Variants in USP13 observed in about 807,000 individuals in gnomAD.
The protein encoded by USP13 is ubiquitin specific peptidase 13.
USP13 carries 68 observed loss-of-function variants against 107.8 expected under a neutral mutation model. The observed-to-expected ratio is 0.63, with a 90% CI of 0.52 to 0.77. USP13 has a LOEUF of 0.77. Among genes scored for constraint, USP13 ranks in the 30% least tolerant of loss-of-function variants. The pLI is 0.00. For synonymous variants in USP13, 377 were observed against 389.5 expected (o/e 0.97, Z 0.38); for missense variants, 945 against 1,093.3 (o/e 0.86, Z 1.91).
At chr3:179,754,631 C>T in intron 14 of USP13, 101 bp from the exon 15 acceptor site, 1 of 1,371,016 alleles carries the variant, frequency 7.3e-7, no homozygotes, top group Non-Finnish European at 9.6e-7. Context: ...GAAAAACATC[C>T]CTTAGCTCTG....
At chr3:179,739,992 G>A (rs923910505) in intron 10 of USP13, among the ~76,000 whole-genome samples, 7 of 152,186 alleles carry the variant, frequency 4.6e-5, no homozygotes, top group Non-Finnish European at 1.0e-4. Flanking sequence ...ACTTTCTAAA[G>A]TGTGTGTCAC....
rs577185449 is a variant in USP13, at chr3:179,741,557, A to G, written c.1381-640A>G. On this transcript the variant is annotated intron_variant, in intron 11 of 20. Transcript: ENST00000263966. ...TTTTTAGTAGAGACGGGGTTTCACC[A>G]TGTTGGCCAGGCTGGTCTCGAACTC... is the stretch of plus-strand genomic sequence containing the variant. 6.3e-4 allele frequency among the ~76,000 whole-genome samples: 95 copies of G among 151,880 alleles called. 1 individual carries two copies. Among genetic ancestry groups the G allele is most frequent in the African/African-American group, 2.0e-3 (82 of 41,388 alleles).
chr3:179,684,104 G>T (rs1711770477), intron 2 of USP13, among the ~76,000 whole-genome samples: 1 of 151,774 alleles, frequency 6.6e-6, no homozygotes, highest in Non-Finnish European at 1.5e-5. Context: ...GGGACTACAG[G>T]TGCGCGCCAC....
chr3:179,720,563 C>A (rs58769817), intron 7 of USP13, among the ~76,000 whole-genome samples: 1 of 152,116 alleles, frequency 6.6e-6, no homozygotes, highest in African/African-American at 2.4e-5. Flanking sequence ...ATGTGCGTTT[C>A]GTTTTAGCCC....
Position 179,730,135 on chromosome 3 carries a change from G to A in USP13, c.1089-54G>A, listed in dbSNP as rs992387763. ...AGCAAGAATTTTGATGGCTTGTTTT[G>A]GTTCTGTTCTTCTTGCAGTTGCTAT... On this transcript the variant is annotated intron_variant, in intron 8 of 20. Coordinates refer to ENST00000263966, the MANE Select transcript of USP13 (RefSeq NM_003940.3). 11 of 1,513,058 alleles carry A rather than the reference G, an allele frequency of 7.3e-6. No homozygotes were observed. In the African/African-American group the frequency reaches 1.3e-4, roughly 17 times the overall value. 93.7% of individuals were successfully genotyped at this position (1,513,058 alleles called of 1,614,324 possible).
chr3:179,761,265 G>A lies in USP13; in HGVS notation c.2092+10G>A, dbSNP rs773537073. 19 of 1,614,042 alleles carry A rather than the reference G, an allele frequency of 1.2e-5. No homozygotes were observed. Among genetic ancestry groups the A allele is most frequent in the African/African-American group, 2.7e-5 (2 of 75,050 alleles). On this transcript the variant is annotated intron_variant, in intron 17 of 20. Transcript: ENST00000263966. ...CACATGGAAGAGCCAGGTAGGTGGC[G>A]AGAAAATGGAATGGCTTTGGAGTCT...
At chr3:179,708,096 A>G (rs1471496519) in intron 5 of USP13, among the ~76,000 whole-genome samples, 1 of 152,214 alleles carries the variant, frequency 6.6e-6, no homozygotes, top group Non-Finnish European at 1.5e-5. Context: ...TTAGTCATTT[A>G]TACACACAGG....
intron 10 of USP13, among the ~76,000 whole-genome samples, chr3:179,737,208 G>A (rs1714024477): frequency 6.6e-6 from 1 of 152,156 alleles, no homozygotes; most frequent in South Asian, 2.1e-4. Context: ...ACAGCATAAG[G>A]ACACTAGAGA....
intron 2 of USP13, among the ~76,000 whole-genome samples, chr3:179,686,265 A>G (rs148573892): frequency 2.4e-3 from 363 of 152,312 alleles, no homozygotes; most frequent in Admixed American, 5.0e-3. Flanking sequence ...GAATCCCTGG[A>G]CAGGAACTCA....
chr3:179,764,183 CTGTGTGTGTG>C lies in USP13; in HGVS notation c.2259+38_2259+47del, dbSNP rs3222346. ...TACGAGCAACGGTGAGCATGAGAGA[CTGTGTGTGTG>C]TGTGTGTGTGTGTGTGTGTGTGAAT... On this transcript the variant is annotated intron_variant, in intron 18 of 20. Coordinates refer to ENST00000263966, the MANE Select transcript of USP13 (RefSeq NM_003940.3). The C allele has an allele frequency of 1.9e-5, 28 of 1,447,896 alleles. No individual in the cohort carries two copies. The highest frequency in any genetic ancestry group is 4.4e-5 in the Admixed American group (2 of 45,468). The allele number at this position is 1,447,896 out of a possible 1,614,324, so 89.7% of individuals were successfully genotyped here.
At chr3:179,782,197 T>C (rs914357069) in intron 20 of USP13, among the ~76,000 whole-genome samples, 3 of 152,238 alleles carry the variant, frequency 2.0e-5, no homozygotes, top group Non-Finnish European at 4.4e-5. Context: ...CCCTATTAAA[T>C]TTGAATTTCA....
At chr3:179,680,196 A>ACAG (rs963196564) in intron 1 of USP13, among the ~76,000 whole-genome samples, 8 of 151,810 alleles carry the variant, frequency 5.3e-5, no homozygotes, top group African/African-American at 1.9e-4. Context: ...AACAACAACA[A>ACAG]CAACAAAAAG....
At chr3:179,767,428 G>GTTTTTT (rs1431728738) in intron 19 of USP13, among the ~76,000 whole-genome samples, 5 of 143,750 alleles carry the variant, frequency 3.5e-5, no homozygotes, top group African/African-American at 1.3e-4. Flanking sequence ...GTTTTTTTTG[G>GTTTTTT]TTTTTTTTTT....
chr3:179,787,907 A>G lies in USP13; in HGVS notation c.*3766A>G, dbSNP rs1414428656. ...CCGCGTCCAGCCCCACTTTTTTTCTACTCTTGAAAAAAACAACTTTCTAGT... is the reference window on the plus strand; with the variant it reads ...CCGCGTCCAGCCCCACTTTTTTTCTGCTCTTGAAAAAAACAACTTTCTAGT... On this transcript the variant is annotated 3_prime_UTR_variant, in exon 21 of 21. Coordinates refer to ENST00000263966, the MANE Select transcript of USP13 (RefSeq NM_003940.3). 6.6e-6 allele frequency: 1 copy of G among 150,848 alleles called. No individual in the cohort carries two copies. Among genetic ancestry groups the G allele is most frequent in the African/African-American group, 2.4e-5 (1 of 40,948 alleles). 9.3% of individuals were successfully genotyped at this position (150,848 alleles called of 1,614,324 possible).
At chr3:179,659,869 C>T (rs1378708517) in intron 1 of USP13, among the ~76,000 whole-genome samples, 29 of 152,088 alleles carry the variant, frequency 1.9e-4, no homozygotes, top group Non-Finnish European at 5.9e-5. Context: ...TGGTGAAACC[C>T]CGTCTCTACT....
At chr3:179,687,659 CA>C (rs71182509) in intron 2 of USP13, among the ~76,000 whole-genome samples, 467 of 18,456 alleles carry the variant, frequency 0.025, 15 homozygotes, top group East Asian at 0.064. Flanking sequence ...AACTCTGTCT[CA>C]AAAAAAAAAA....
At chr3:179,738,840 T>C (rs1363326078) in intron 10 of USP13, among the ~76,000 whole-genome samples, 2 of 152,212 alleles carry the variant, frequency 1.3e-5, no homozygotes, top group Admixed American at 6.5e-5. Flanking sequence ...TGTTTTGTTT[T>C]GTTTTGTTTT....
chr3:179,693,742 C>A (rs1243137563), intron 3 of USP13, among the ~76,000 whole-genome samples: 1 of 152,030 alleles, frequency 6.6e-6, no homozygotes, highest in East Asian at 1.9e-4. Context: ...GGTGTGATGT[C>A]GGCTCACTGC....
At chr3:179,765,934 C>G (rs1462468654) in intron 19 of USP13, 86 bp downstream of exon 19, 1 of 1,433,374 alleles carries the variant, frequency 7.0e-7, no homozygotes, top group South Asian at 1.4e-5. Context: ...CATAGTCAAG[C>G]CTTTGCCATC....
Sources: allele counts gnomAD v4.1 joint callset (sites outside exome capture counted in the v4.1 genomes callset), GRCh38; gene constraint gnomAD v4.1.1; transcripts MANE v1.5; gene names NCBI Gene and HGNC (gene_info 2026-07-23, HGNC 2026-07-21).